The following GLOD5 variants were observed in gnomAD, a reference collection of about 807,000 sequenced individuals.
GLOD5 encodes glyoxalase domain containing 5, also known as glyoxalase domain-containing protein 5.
Under a neutral mutation model 9.9 loss-of-function variants are expected in GLOD5, and 7 were observed. The ratio of observed to expected loss-of-function variants is 0.71; its 90% confidence interval spans 0.40 to 1.33. GLOD5 has a LOEUF of 1.33. Ranked by LOEUF, GLOD5 falls within the 40% of genes most tolerant of loss-of-function variation. The pLI is 0.01. For missense variants in GLOD5, 146 were observed against 128.4 expected (o/e 1.14, Z -0.66); for synonymous variants, 49 against 47.3 (o/e 1.04, Z -0.14).
At chrX:48,770,143 C>T (rs1374867319) in intron 2 of GLOD5, among the ~76,000 whole-genome samples, 5 of 108,900 alleles carry the variant, frequency 4.6e-5, no homozygotes, top group Admixed American at 9.9e-5. Context: ...GGCATGGTGG[C>T]GTGTGCCTGT....
intron 2 of GLOD5, among the ~76,000 whole-genome samples, chrX:48,770,371 G>A (rs1264417252): frequency 8.9e-6 from 1 of 112,393 alleles, no homozygotes; most frequent in Non-Finnish European, 1.9e-5. Flanking sequence ...CTAACTGTGG[G>A]TTAAACAAGA....
chrX:48,771,033 T>C lies in GLOD5; in HGVS notation c.308T>C (p.Ile103Thr). Reference protein sequence around the residue: ...AAHPVPGSLDICLITEVPLEE... With the variant: ...AAHPVPGSLDTCLITEVPLEE... ...CACCCAGTTCCTGGCTCCCTGGACA[T>C]ATGTCTGATCACAGAGGTGCCTTTG... The change falls in exon 3 of 4, where the codon ATA becomes ACA. Residue 103 changes from isoleucine (I) to threonine (T), a missense_variant. By Grantham distance (89) the Ile-to-Thr change is moderately conservative. Coordinates refer to ENST00000303227, the MANE Select transcript of GLOD5 (RefSeq NM_001080489.3). The C allele has an allele frequency of 8.3e-7, 1 of 1,201,489 alleles. No individual in the cohort carries two copies. Among genetic ancestry groups the C allele is most frequent in the Non-Finnish European group, 1.1e-6 (1 of 890,827 alleles).
At chrX:48,773,179 G>C in intron 3 of GLOD5, 131 bp from the exon 4 acceptor site, 1 of 721,811 alleles carries the variant, frequency 1.4e-6, no homozygotes, top group Non-Finnish European at 2.1e-6. Context: ...GCAGTGAGCT[G>C]AGATCTCACC....
intron 3 of GLOD5, among the ~76,000 whole-genome samples, chrX:48,772,979 T>A (rs2062626294): frequency 9.0e-6 from 1 of 110,865 alleles, no homozygotes; most frequent in Admixed American, 9.6e-5. Flanking sequence ...TTCATGCCTA[T>A]AATTCCAGCA....
Position 48,773,400 on chromosome X carries a change from A to T in GLOD5, c.448A>T (p.Asn150Tyr), listed in dbSNP as rs113237567. 7 of 1,209,757 alleles carry T rather than the reference A, an allele frequency of 5.8e-6. No individual in the cohort carries two copies. The highest frequency in any genetic ancestry group is 7.8e-6 in the Non-Finnish European group (7 of 894,617). The change falls in exon 4 of 4, where the codon AAT (asparagine) becomes TAT (tyrosine). Residue 150 changes from asparagine (N) to tyrosine (Y), a missense_variant. Asn to Tyr is a moderately radical substitution (Grantham distance 143, BLOSUM62 -2). Coordinates refer to ENST00000303227, the MANE Select transcript of GLOD5 (RefSeq NM_001080489.3). ...CATCTACTTCCGAGACCCCGACAGA[A>T]ATCTGATTGAGGTGTCCAACTACAT... ...MSIYFRDPDRNLIEVSNYISS is the reference protein window; with the variant it reads ...MSIYFRDPDRYLIEVSNYISS
At chrX:48,769,732 GCA>G (rs1434449589) in intron 2 of GLOD5, among the ~76,000 whole-genome samples, 3 of 110,139 alleles carry the variant, frequency 2.7e-5, no homozygotes, top group African/African-American at 9.9e-5. Context: ...TGTAATCCCA[GCA>G]CTTTGGGAGG....
chrX:48,764,584 C>T lies in GLOD5; in HGVS notation c.64-1251C>T, dbSNP rs181802765. Among the ~76,000 whole-genome samples the T allele has an allele frequency of 6.5e-4, 66 of 101,113 alleles. 1 individual carries two copies. Among genetic ancestry groups the T allele is most frequent in the African/African-American group, 2.4e-3 (65 of 27,571 alleles). 87.8% of individuals were successfully genotyped at this position (101,113 alleles called of 115,157 possible). The stretch of plus-strand genomic sequence containing the variant: ...TTTTTTTTTTTTAGATACAGTCTTG[C>T]TCTGTCACCCAGGAGTCCGGTTGAG... On this transcript the variant is annotated intron_variant, in intron 1 of 3. Transcript: ENST00000303227.
At chrX:48,773,170 C>T in intron 3 of GLOD5, 140 bp from the exon 4 acceptor site, 1 of 636,463 alleles carries the variant, frequency 1.6e-6, no homozygotes, top group Non-Finnish European at 2.4e-6. Flanking sequence ...GCGGAGGTTG[C>T]AGTGAGCTGA....
intron 3 of GLOD5, among the ~76,000 whole-genome samples, chrX:48,773,034 G>A (rs900655496): frequency 9.1e-6 from 1 of 110,124 alleles, no homozygotes; most frequent in African/African-American, 3.3e-5. Context: ...TCAGGAGTTC[G>A]AGACCAGCCT....
rs1397050264 is a variant in GLOD5 at position 48,773,425 on chromosome X, T to C, written c.473T>C (p.Ile158Thr). 2.5e-6 allele frequency: 3 copies of C among 1,208,555 alleles called. No homozygotes were observed. The highest frequency in any genetic ancestry group is 3.4e-6 in the Non-Finnish European group (3 of 894,144). Residue 158 changes from isoleucine (I) to threonine (T), a missense_variant, in exon 4 of 4, where the codon ATC becomes ACC. Coordinates refer to ENST00000303227, the MANE Select transcript of GLOD5 (RefSeq NM_001080489.3). ...DRNLIEVSNY[I>T]SS ...AATCTGATTGAGGTGTCCAACTACA[T>C]CTCCTCGTGATGGAGGCTGGACCTC...
chrX:48,771,286 C>T (rs781833768), intron 3 of GLOD5, among the ~76,000 whole-genome samples: 1 of 110,287 alleles, frequency 9.1e-6, no homozygotes, highest in Non-Finnish European at 1.9e-5. Context: ...AACAAACAAA[C>T]AAACAAACCT....
At chrX:48,771,111 A>C (rs1176445082) in intron 3 of GLOD5, 29 bp downstream of exon 3, 3 of 1,115,367 alleles carry the variant, frequency 2.7e-6, no homozygotes, top group East Asian at 6.3e-5. Flanking sequence ...CTTTTTGCAA[A>C]AGCTGCTGCA....
intron 3 of GLOD5, among the ~76,000 whole-genome samples, chrX:48,771,605 C>T (rs191473002): frequency 4.6e-4 from 52 of 111,835 alleles, no homozygotes; most frequent in Admixed American, 1.3e-3. Flanking sequence ...GCATGAGCCA[C>T]GTGCCCAGCC....
intron 2 of GLOD5, among the ~76,000 whole-genome samples, chrX:48,767,899 T>C (rs1557016890): frequency 2.7e-5 from 3 of 110,952 alleles, no homozygotes; most frequent in Admixed American, 1.9e-4. Context: ...AACAATTAAG[T>C]ACACATGAAC....
rs782781819 is a variant in GLOD5, at chrX:48,773,368, T to C, written c.416T>C (p.Ile139Thr). The change falls in exon 4 of 4, where the codon ATC becomes ACC. Residue 139 changes from isoleucine (I) to threonine (T), a missense_variant. By Grantham distance (89) the Ile-to-Thr change is moderately conservative. Transcript: ENST00000303227. ...CCCAGAACAGGGGCAAAAGGGCCTA[T>C]CATGTCCATCTACTTCCGAGACCCC... ...PVPRTGAKGPIMSIYFRDPDR... is the reference protein window; with the variant it reads ...PVPRTGAKGPTMSIYFRDPDR... 32 of 1,209,288 alleles carry C rather than the reference T, an allele frequency of 2.6e-5. 1 individual carries two copies. In the South Asian group the frequency reaches 5.1e-4, roughly 19 times the overall value.
chrX:48,771,316 C>G (rs1352673102), intron 3 of GLOD5, among the ~76,000 whole-genome samples: 1 of 99,705 alleles, frequency 1.0e-5, no homozygotes, highest in Non-Finnish European at 2.1e-5. Flanking sequence ...CACTGAAATA[C>G]TTTTTTTTTT....
At chrX:48,768,076 TTGCCTCACCCTCC>T (rs1244444193) in intron 2 of GLOD5, among the ~76,000 whole-genome samples, 2 of 112,001 alleles carry the variant, frequency 1.8e-5, no homozygotes, top group Non-Finnish European at 3.8e-5. Flanking sequence ...GGTGCTTCTC[TTGCCTCACCCTCC>T]TGAGTAGTTG....
chrX:48,761,859 C>G lies in GLOD5; in HGVS notation c.63+6C>G, dbSNP rs1557016047. ...GCAGGACTTTGGAGAAACAGGTGAA[C>G]AAGATGGCCCCTGGGGATCTGGGGC... On this transcript the variant is annotated splice_donor_region_variant and intron_variant, in intron 1 of 3. Coordinates refer to ENST00000303227, the MANE Select transcript of GLOD5 (RefSeq NM_001080489.3). The G allele has an allele frequency of 2.6e-6, 3 of 1,151,801 alleles. No homozygotes were observed. The highest frequency in any genetic ancestry group is 3.5e-6 in the Non-Finnish European group (3 of 860,372). The allele number at this position is 1,151,801 out of a possible 1,213,427, so 94.9% of individuals were successfully genotyped here.
chrX:48,764,350 A>C (rs1485424094), intron 1 of GLOD5, among the ~76,000 whole-genome samples: 2 of 111,233 alleles, frequency 1.8e-5, no homozygotes, highest in Non-Finnish European at 3.8e-5. Context: ...TAACAAGATG[A>C]CCACACATCA....
Sources: allele counts gnomAD v4.1 joint callset (sites outside exome capture counted in the v4.1 genomes callset), GRCh38; gene constraint gnomAD v4.1.1; transcripts MANE v1.5; gene names NCBI Gene and HGNC (gene_info 2026-07-23, HGNC 2026-07-21).